TNNI1: variants seen among roughly 807,000 people sequenced by gnomAD.
TNNI1 encodes the protein troponin I1, slow skeletal type, also known as troponin I, slow skeletal muscle.
In TNNI1, 14 loss-of-function variants were observed where a neutral mutation model predicts 26.7. That is an observed-to-expected ratio of 0.52 (90% CI 0.35 to 0.82). TNNI1 has a LOEUF of 0.82. TNNI1 is among the 40% of genes least tolerant of loss of function. The probability of loss-of-function intolerance (pLI) is 0.01; values close to 1 mark genes in which losing one functional copy is unlikely to be tolerated. For synonymous variants in TNNI1, 79 were observed against 98.2 expected, an observed-to-expected ratio of 0.80 and a Z score of 1.16; for missense variants, 164 against 257.0, an observed-to-expected ratio of 0.64 and a Z score of 2.47.
At position 201,404,145 on chromosome 1, in the gene TNNI1, C is replaced by G. The variant is rs1447896158; in HGVS notation, c.*5108G>C. ...AGCCAGTGGTTGGGCAAGGGGTCAT[C>G]TCTCTCGTCCCCTCCCTCGAGGTTC... On this transcript the variant is annotated 3_prime_UTR_variant, in exon 9 of 9. Coordinates refer to ENST00000361379, the MANE Select transcript of TNNI1 (RefSeq NM_003281.4). 6.6e-6 allele frequency: 1 copy of G among 152,172 alleles called. No individual in the cohort carries two copies. The highest frequency in any genetic ancestry group is 1.5e-5 in the Non-Finnish European group (1 of 68,032). The allele number at this position is 152,172 out of a possible 1,614,324, so 9.4% of individuals were successfully genotyped here.
At chr1:201,414,700 A>G (rs1300717820) in intron 4 of TNNI1, 51 bp from the exon 5 acceptor site, 1 of 1,594,776 alleles carries the variant, frequency 6.3e-7, no homozygotes, top group African/African-American at 1.3e-5. Flanking sequence ...CCCACCCGGC[A>G]TCAGGGAATG....
Position 201,417,118 on chromosome 1 carries a change from C to G in TNNI1, c.13G>C (p.Glu5Gln). The G allele has an allele frequency of 1.2e-6, 2 of 1,614,112 alleles. No individual in the cohort carries two copies. Among genetic ancestry groups the G allele is most frequent in the Non-Finnish European group, 1.7e-6 (2 of 1,180,020 alleles). The change falls in exon 3 of 9, where the codon GAG becomes CAG. Residue 5 changes from glutamate (E) to glutamine (Q), a missense_variant and splice_region_variant. Transcript: ENST00000361379. ...GAGATACCCCAAATATCACTTACCT[C>G]GCTTCAGGCATCCATCACAGGAAGG... The part of the protein sequence containing the change: MPEV[E>Q]RKPKITASRK...
At position 201,404,246 on chromosome 1, in the gene TNNI1, C is replaced by G. The variant is rs574821410; in HGVS notation, c.*5007G>C. On this transcript the variant is annotated 3_prime_UTR_variant, in exon 9 of 9. Transcript: ENST00000361379. ...ACTCATAGGGCAGCTTCCCCTTTCT[C>G]GGACAGGACAGAGTGGAGATCCAGG... The G allele has an allele frequency of 6.6e-6, 1 of 152,172 alleles. No individual in the cohort carries two copies. Among genetic ancestry groups the G allele is most frequent in the African/African-American group, 2.4e-5 (1 of 41,438 alleles). The allele number at this position is 152,172 out of a possible 1,614,324, so 9.4% of individuals were successfully genotyped here. A position where few individuals can be genotyped will look rare whatever the true frequency, so the allele number is the denominator to read the frequency against.
At position 201,411,503 on chromosome 1, in the gene TNNI1, G is replaced by T. The variant is rs2102369956; in HGVS notation, c.310C>A (p.Leu104Ile). The part of the protein sequence containing the change: ...IKDLKLKVMD[L>I]RGKFKRPPLR... Reference sequence around the variant, plus strand: ...GGCGGGCGCTTGAACTTCCCACGGAGGTCCATCACCTTCAGCTTCAGGTCC... The same window carrying T: ...GGCGGGCGCTTGAACTTCCCACGGATGTCCATCACCTTCAGCTTCAGGTCC... Residue 104 changes from leucine to isoleucine, a missense_variant, in exon 7 of 9, where the codon CTC becomes ATC. By Grantham distance (5) the Leu-to-Ile change is conservative (BLOSUM62 2). Around this residue, in one of 3 missense-constraint regions of TNNI1, gnomAD observed 117 missense variants for 158.7 expected, o/e 0.74. Transcript: ENST00000361379. The surrounding 1 kb of genome is among the most constrained non-coding windows in gnomAD (Gnocchi z 4.6). The T allele has an allele frequency of 6.2e-7, 1 of 1,607,250 alleles. No individual in the cohort carries two copies. Among genetic ancestry groups the T allele is most frequent in the Non-Finnish European group, 8.5e-7 (1 of 1,177,226 alleles).
chr1:201,417,275 G>A (rs1324787449), intron 2 of TNNI1, among the ~76,000 whole-genome samples, 156 bp from the exon 3 acceptor site: 1 of 152,146 alleles, frequency 6.6e-6, no homozygotes, highest in East Asian at 1.9e-4. Context: ...TCAGGCATCA[G>A]GCAAGGGGAG....
intron 6 of TNNI1, among the ~76,000 whole-genome samples, chr1:201,412,789 A>T (rs1662660502): frequency 6.6e-6 from 1 of 152,246 alleles, no homozygotes; most frequent in Admixed American, 6.5e-5. Context: ...TAAAGAGAGC[A>T]GCTTCTGTTA....
At position 201,408,561 on chromosome 1, in the gene TNNI1, C is replaced by T. The variant is rs1558279695; in HGVS notation, c.*692G>A. The T allele has an allele frequency of 6.6e-6, 1 of 152,408 alleles. No individual in the cohort carries two copies. The highest frequency in any genetic ancestry group is 1.9e-4 in the East Asian group (1 of 5,160). 9.4% of individuals were successfully genotyped at this position (152,408 alleles called of 1,614,324 possible). A position where few individuals can be genotyped will look rare whatever the true frequency, so the allele number is the denominator to read the frequency against. ...GTATGAAAGCCGGCAGGAGAAGCGGCTCTTAATGGAGAGGCCTCTTCTGAT... is the reference window on the plus strand; with the variant it reads ...GTATGAAAGCCGGCAGGAGAAGCGGTTCTTAATGGAGAGGCCTCTTCTGAT... On this transcript the variant is annotated 3_prime_UTR_variant, in exon 9 of 9. Coordinates refer to ENST00000361379, the MANE Select transcript of TNNI1 (RefSeq NM_003281.4).
At chr1:201,410,301 G>T in intron 8 of TNNI1, 25 bp downstream of exon 8, 1 of 1,603,324 alleles carries the variant, frequency 6.2e-7, no homozygotes, top group Non-Finnish European at 8.5e-7. Flanking sequence ...ATGGACCCCA[G>T]AGAAGGGAGC....
At chr1:201,413,834 T>C (rs981277987) in intron 5 of TNNI1, among the ~76,000 whole-genome samples, 1 of 152,140 alleles carries the variant, frequency 6.6e-6, no homozygotes, top group African/African-American at 2.4e-5. Context: ...TTTTAAACTT[T>C]GTATAAAGAA....
At chr1:201,420,748 G>A (rs1033146960) in intron 1 of TNNI1, among the ~76,000 whole-genome samples, 5 of 151,582 alleles carry the variant, frequency 3.3e-5, no homozygotes, top group Non-Finnish European at 4.4e-5. Context: ...CTTGACTGAC[G>A]GTTAACACTC....
chr1:201,411,411 C>G lies in TNNI1; in HGVS notation c.402G>C (p.Val134=). Residue 134 remains valine (V), a synonymous_variant, in exon 7 of 9, where the codon GTG becomes GTC. Transcript: ENST00000361379. The surrounding 1 kb of genome is among the most constrained non-coding windows in gnomAD (Gnocchi z 4.6). ...LRALLGSKHK[V]SMDLRANLKS... ...TGAGGTTGGCCCGCAGATCCATGGACACCTTGTGCTTGGAGCCCAGCAGGG... is the reference window on the plus strand; with the variant it reads ...TGAGGTTGGCCCGCAGATCCATGGAGACCTTGTGCTTGGAGCCCAGCAGGG... The G allele has an allele frequency of 6.2e-7, 1 of 1,614,014 alleles. No homozygotes were observed. Among genetic ancestry groups the G allele is most frequent in the Non-Finnish European group, 8.5e-7 (1 of 1,179,956 alleles).
intron 1 of TNNI1, among the ~76,000 whole-genome samples, chr1:201,419,288 G>A (rs928959647): frequency 6.6e-6 from 1 of 152,254 alleles, no homozygotes; most frequent in African/African-American, 2.4e-5. Flanking sequence ...CCGTGAGGCT[G>A]CAGAGGGAGA....
Position 201,411,399 on chromosome 1 carries a change from C to G in TNNI1, c.414G>C (p.Leu138=), listed in dbSNP as rs776568372. The change falls in exon 7 of 9, where the codon CTG becomes CTC. Residue 138 remains leucine, a synonymous_variant. Transcript: ENST00000361379. The surrounding 1 kb of genome is among the most constrained non-coding windows in gnomAD (Gnocchi z 4.6). Reference sequence around the variant, plus strand: ...TCTTCACAGACTTGAGGTTGGCCCGCAGATCCATGGACACCTTGTGCTTGG... The same window carrying G: ...TCTTCACAGACTTGAGGTTGGCCCGGAGATCCATGGACACCTTGTGCTTGG... ...LGSKHKVSMD[L]RANLKSVKKE... 1 of 1,613,840 alleles carries G rather than the reference C, an allele frequency of 6.2e-7. No homozygotes were observed. Among genetic ancestry groups the G allele is most frequent in the Non-Finnish European group, 8.5e-7 (1 of 1,179,938 alleles).
At chr1:201,417,905 C>T in intron 1 of TNNI1, 93 bp from the exon 2 acceptor site, 1 of 959,846 alleles carries the variant, frequency 1.0e-6, no homozygotes, top group Non-Finnish European at 1.4e-6. Flanking sequence ...GAGACAGAGT[C>T]AGAACACAAA....
chr1:201,408,596 CA>C lies in TNNI1; in HGVS notation c.*656del, dbSNP rs1278434887. 6.6e-6 allele frequency: 1 copy of C among 152,122 alleles called. No individual in the cohort carries two copies. The highest frequency in any genetic ancestry group is 2.4e-5 in the African/African-American group (1 of 41,292). The allele number at this position is 152,122 out of a possible 1,614,324, so 9.4% of individuals were successfully genotyped here. On this transcript the variant is annotated 3_prime_UTR_variant, in exon 9 of 9. Coordinates refer to ENST00000361379, the MANE Select transcript of TNNI1 (RefSeq NM_003281.4). ...AGAGGCCTCTTCTGATGGCCAGAGT[CA>C]GGGGCAGGACGGGGTCATTTCTCGG...
intron 1 of TNNI1, among the ~76,000 whole-genome samples, chr1:201,420,910 C>G (rs1662845719): frequency 6.6e-6 from 1 of 152,162 alleles, no homozygotes; most frequent in Non-Finnish European, 1.5e-5. Flanking sequence ...GCCCCCTGCC[C>G]CAAGCCTTGG....
chr1:201,411,335 G>T lies in TNNI1; in HGVS notation c.456+22C>A. ...AAGCTGGTAGGGCAGAGGGTGGAAT[G>T]TTCTGAGGAAAGGGACCTCACCTTC... is the stretch of plus-strand genomic sequence containing the variant. On this transcript the variant is annotated intron_variant, in intron 7 of 8. Coordinates refer to ENST00000361379, the MANE Select transcript of TNNI1 (RefSeq NM_003281.4). The surrounding 1 kb of genome is among the most constrained non-coding windows in gnomAD (Gnocchi z 4.6). The T allele has an allele frequency of 3.1e-6, 5 of 1,612,768 alleles. No individual in the cohort carries two copies. Among genetic ancestry groups the T allele is most frequent in the Non-Finnish European group, 4.2e-6 (5 of 1,179,434 alleles).
intron 1 of TNNI1, among the ~76,000 whole-genome samples, chr1:201,421,047 G>A (rs897996977): frequency 1.3e-5 from 2 of 152,200 alleles, no homozygotes; most frequent in African/African-American, 2.4e-5. Context: ...AGAGCCAGGA[G>A]CTCTGAGCAG....
At chr1:201,410,138 C>T (rs1480600741) in intron 8 of TNNI1, 188 bp downstream of exon 8, 1 of 537,354 alleles carries the variant, frequency 1.9e-6, no homozygotes, top group East Asian at 3.0e-5. Flanking sequence ...ACAGAAATGA[C>T]ATGCCCAAGT....
Sources: allele counts gnomAD v4.1 joint callset (sites outside exome capture counted in the v4.1 genomes callset), GRCh38; gene constraint gnomAD v4.1.1; regional missense constraint gnomAD v4.1.1; non-coding constraint Gnocchi (gnomAD v3.1); transcripts MANE v1.5; gene names NCBI Gene and HGNC (gene_info 2026-07-23, HGNC 2026-07-21).